CNTNAP5: variants seen among roughly 807,000 people sequenced by gnomAD.
CNTNAP5 encodes the protein contactin-associated protein-like 5.
In CNTNAP5, 72 loss-of-function variants were observed where a neutral mutation model predicts 150.2. The observed-to-expected ratio is 0.48, with a 90% CI of 0.40 to 0.58. The LOEUF is 0.58. Among genes scored for constraint, CNTNAP5 ranks in the 20% least tolerant of loss-of-function variants. The pLI, the probability that CNTNAP5 is intolerant of heterozygous loss-of-function variation, is 0.00. For synonymous variants in CNTNAP5, 672 were observed against 619.8 expected, an observed-to-expected ratio of 1.08 and a Z score of -1.25; for missense variants, 1,636 against 1,626.2, an observed-to-expected ratio of 1.01 and a Z score of -0.10.
intron 1 of CNTNAP5, among the ~76,000 whole-genome samples, chr2:124,152,036 A>G (rs1684417647): frequency 1.3e-5 from 2 of 152,330 alleles, no homozygotes; most frequent in South Asian, 4.1e-4. Flanking sequence ...ATGGTGACTC[A>G]TTAAATTAAA....
At chr2:124,309,000 C>A (rs1049968789) in intron 3 of CNTNAP5, among the ~76,000 whole-genome samples, 1 of 152,098 alleles carries the variant, frequency 6.6e-6, no homozygotes, top group Non-Finnish European at 1.5e-5. Flanking sequence ...TGTGCCAAGA[C>A]CCCCATGGAT....
chr2:124,681,651 C>T (rs1679071039), intron 13 of CNTNAP5, among the ~76,000 whole-genome samples: 2 of 152,178 alleles, frequency 1.3e-5, no homozygotes, highest in African/African-American at 4.8e-5. Context: ...GCAACTTCCA[C>T]CTCCCTGGTT....
chr2:124,559,881 A>G (rs1695847664), intron 10 of CNTNAP5, among the ~76,000 whole-genome samples: 1 of 152,198 alleles, frequency 6.6e-6, no homozygotes, highest in Admixed American at 6.5e-5. Context: ...AAATGAACCA[A>G]GCTTGAAGGC....
At chr2:124,835,769 A>C (rs1682816008) in intron 19 of CNTNAP5, among the ~76,000 whole-genome samples, 1 of 152,150 alleles carries the variant, frequency 6.6e-6, no homozygotes, top group South Asian at 2.1e-4. Context: ...CTTATTTTGC[A>C]GCCACGGAGC....
At chr2:124,086,469 C>T (rs548857272) in intron 1 of CNTNAP5, among the ~76,000 whole-genome samples, 2 of 151,642 alleles carry the variant, frequency 1.3e-5, no homozygotes, top group Admixed American at 1.3e-4. Context: ...TCTCTAACTG[C>T]TGGGATTACA....
intron 14 of CNTNAP5, among the ~76,000 whole-genome samples, chr2:124,755,071 GT>G (rs567868235): frequency 6.6e-4 from 99 of 149,518 alleles, no homozygotes; most frequent in South Asian, 1.3e-3. Context: ...ATTAAAGCAG[GT>G]TTTTTTTTTC....
chr2:124,353,306 AAAAG>A (rs1386766168), intron 3 of CNTNAP5, among the ~76,000 whole-genome samples: 3 of 151,116 alleles, frequency 2.0e-5, no homozygotes, highest in Non-Finnish European at 4.4e-5. Context: ...AAAAAAAAAA[AAAAG>A]ATGAAGGCCA....
chr2:124,858,989 T>A (rs1034421645), intron 19 of CNTNAP5, among the ~76,000 whole-genome samples: 1 of 152,138 alleles, frequency 6.6e-6, no homozygotes, highest in Non-Finnish European at 1.5e-5. Context: ...ATTCAGGACA[T>A]AGGCATGGGC....
At chr2:124,704,242 G>A (rs531746113) in intron 13 of CNTNAP5, among the ~76,000 whole-genome samples, 1 of 152,280 alleles carries the variant, frequency 6.6e-6, no homozygotes, top group East Asian at 1.9e-4. Flanking sequence ...TTTCTCTATT[G>A]TTGCAAGCAC....
Position 124,860,488 on chromosome 2 carries a change from C to CTTCT in CNTNAP5, c.3218-4815_3218-4814insTTTC, listed in dbSNP as rs1558803900. ...CCTTCCTTCCTTCCTTCCTTCCTTC[C>CTTCT]TTCCTTCCTTCCTTCTTTCCTTCCT... On this transcript the variant is annotated intron_variant, in intron 19 of 23. Coordinates refer to ENST00000682447, the MANE Select transcript of CNTNAP5 (RefSeq NM_001367498.1). 1.8e-4 allele frequency among the ~76,000 whole-genome samples: 16 copies of CTTCT among 86,560 alleles called. 1 individual carries two copies. Among genetic ancestry groups the CTTCT allele is most frequent in the African/African-American group, 7.4e-4 (12 of 16,166 alleles). The allele number at this position is 86,560 out of a possible 152,430, so 56.8% of individuals were successfully genotyped here. A position where few individuals can be genotyped will look rare whatever the true frequency, so the allele number is the denominator to read the frequency against.
At chr2:124,509,165 T>C (rs1329065735) in intron 8 of CNTNAP5, among the ~76,000 whole-genome samples, 1 of 152,214 alleles carries the variant, frequency 6.6e-6, no homozygotes, top group Non-Finnish European at 1.5e-5. Flanking sequence ...TCCCCGAGCT[T>C]TGTACAGTGT....
intron 3 of CNTNAP5, among the ~76,000 whole-genome samples, chr2:124,331,900 T>C (rs564055434): frequency 5.3e-4 from 81 of 152,054 alleles, no homozygotes; most frequent in Middle Eastern, 6.8e-3. Context: ...TACATGAAAA[T>C]CTTAATTCAA....
chr2:124,353,363 C>A (rs77923966), intron 3 of CNTNAP5, among the ~76,000 whole-genome samples: 1,920 of 149,320 alleles, frequency 0.013, 16 homozygotes, highest in Non-Finnish European at 0.02. Context: ...AATCTAATGG[C>A]CCAAAACTGG....
At chr2:124,423,574 C>T (rs1692165022) in intron 4 of CNTNAP5, among the ~76,000 whole-genome samples, 1 of 150,250 alleles carries the variant, frequency 6.7e-6, no homozygotes, top group Non-Finnish European at 1.5e-5. Flanking sequence ...TCTCGATCTC[C>T]TGACCTCGTG....
At chr2:124,336,376 C>CT (rs976207373) in intron 3 of CNTNAP5, among the ~76,000 whole-genome samples, 5 of 151,124 alleles carry the variant, frequency 3.3e-5, no homozygotes, top group Non-Finnish European at 4.4e-5. Flanking sequence ...CAGAGGTTTT[C>CT]TTTTTTTTTC....
intron 21 of CNTNAP5, among the ~76,000 whole-genome samples, chr2:124,896,461 A>G (rs1223247384): frequency 6.6e-6 from 1 of 151,646 alleles, no homozygotes; most frequent in Non-Finnish European, 1.5e-5. Context: ...TAAAGCAAGA[A>G]GGGGAGGACA....
chr2:124,231,307 C>A (rs1332200490), intron 2 of CNTNAP5, among the ~76,000 whole-genome samples: 1 of 152,084 alleles, frequency 6.6e-6, no homozygotes, highest in Non-Finnish European at 1.5e-5. Context: ...AACTTTTGTT[C>A]TTCATTTCTG....
At chr2:124,447,783 A>G (rs564728511) in intron 6 of CNTNAP5, among the ~76,000 whole-genome samples, 1 of 152,302 alleles carries the variant, frequency 6.6e-6, no homozygotes, top group Non-Finnish European at 1.5e-5. Flanking sequence ...CTAAGCCTTG[A>G]AAGAATAGGG....
chr2:124,285,491 C>T (rs1334715009), intron 3 of CNTNAP5, among the ~76,000 whole-genome samples: 2 of 152,074 alleles, frequency 1.3e-5, no homozygotes, highest in South Asian at 2.1e-4. Flanking sequence ...TGTCTTTCTA[C>T]GTGCTCATAA....
Sources: allele counts gnomAD v4.1 joint callset (sites outside exome capture counted in the v4.1 genomes callset), GRCh38; gene constraint gnomAD v4.1.1; transcripts MANE v1.5; gene names NCBI Gene and HGNC (gene_info 2026-07-23, HGNC 2026-07-21).